Variants in LMTK2 observed in about 807,000 individuals in gnomAD.
LMTK2 encodes serine/threonine-protein kinase LMTK2.
Under a neutral mutation model 127.5 loss-of-function variants are expected in LMTK2, and 37 were observed. That is an observed-to-expected ratio of 0.29 (90% CI 0.22 to 0.38). The LOEUF is 0.38. Ranked by LOEUF, LMTK2 falls within the 10% of genes least tolerant of loss-of-function variation. LMTK2 has a pLI of 1.00. For missense variants in LMTK2, 1,694 were observed against 1,920.3 expected (o/e 0.88, Z 2.20); for synonymous variants, 819 against 810.1 (o/e 1.01, Z -0.19).
intron 7 of LMTK2, among the ~76,000 whole-genome samples, chr7:98,180,668 C>T (rs1401211154): frequency 6.6e-6 from 1 of 152,090 alleles, no homozygotes; most frequent in African/African-American, 2.4e-5. Flanking sequence ...GACTACAACG[C>T]TTGCATATCT....
intron 4 of LMTK2, among the ~76,000 whole-genome samples, chr7:98,152,293 G>C (rs1487737988): frequency 6.6e-6 from 1 of 152,188 alleles, no homozygotes; most frequent in African/African-American, 2.4e-5. Flanking sequence ...TACTGCAGTC[G>C]TGCTCTGCAA....
At chr7:98,191,008 A>C (rs913754753) in intron 10 of LMTK2, 131 bp downstream of exon 10, 200 of 879,818 alleles carry the variant, frequency 2.3e-4, no homozygotes, top group Non-Finnish European at 3.1e-4. Context: ...CCATGAGCTG[A>C]ACTACTTAAT....
chr7:98,205,352 T>C (rs970209658), intron 13 of LMTK2, 112 bp from the exon 14 acceptor site: 3 of 1,349,298 alleles, frequency 2.2e-6, no homozygotes, highest in Non-Finnish European at 3.2e-6. Context: ...GGTGCTGGGC[T>C]CAAAACACCC....
intron 3 of LMTK2, among the ~76,000 whole-genome samples, chr7:98,149,018 A>G (rs1422270883): frequency 2.0e-5 from 3 of 152,158 alleles, no homozygotes; most frequent in Non-Finnish European, 4.4e-5. Context: ...GTTGGCCTCA[A>G]CTGTTGTTTT....
intron 6 of LMTK2, among the ~76,000 whole-genome samples, chr7:98,164,598 T>G (rs1797064523): frequency 6.6e-6 from 1 of 152,150 alleles, no homozygotes. Context: ...TGATTCTAAT[T>G]ATTAAATAAA....
chr7:98,180,334 C>G (rs1387239349), intron 7 of LMTK2, among the ~76,000 whole-genome samples: 1 of 152,174 alleles, frequency 6.6e-6, no homozygotes, highest in African/African-American at 2.4e-5. Context: ...GGAAATTCAG[C>G]TTTGATATCT....
chr7:98,144,796 A>G (rs1451456603), intron 3 of LMTK2, among the ~76,000 whole-genome samples: 1 of 141,240 alleles, frequency 7.1e-6, no homozygotes, highest in Non-Finnish European at 1.5e-5. Context: ...ATTATTCTGC[A>G]TCTTGCTTTT....
chr7:98,138,631 C>T (rs184738584), intron 2 of LMTK2, among the ~76,000 whole-genome samples: 2 of 152,312 alleles, frequency 1.3e-5, no homozygotes, highest in East Asian at 1.9e-4. Context: ...GCACAGTTGT[C>T]GGTGGACAGT....
At chr7:98,127,814 G>A (rs1252863561) in intron 1 of LMTK2, among the ~76,000 whole-genome samples, 7 of 152,084 alleles carry the variant, frequency 4.6e-5, no homozygotes, top group Non-Finnish European at 8.8e-5. Flanking sequence ...TCACACATAC[G>A]CCATAAATAT....
intron 7 of LMTK2, among the ~76,000 whole-genome samples, chr7:98,176,834 G>A (rs147677084): frequency 6.6e-6 from 1 of 152,278 alleles, no homozygotes; most frequent in African/African-American, 2.4e-5. Flanking sequence ...ATGACAGAGC[G>A]AGACTCCATC....
chr7:98,170,501 G>A (rs1413176806), intron 6 of LMTK2, among the ~76,000 whole-genome samples: 1 of 151,066 alleles, frequency 6.6e-6, no homozygotes, highest in Admixed American at 6.6e-5. Flanking sequence ...GTACTCTTTA[G>A]TTGGTCAAGG....
At chr7:98,204,284 C>A in intron 13 of LMTK2, 98 bp downstream of exon 13, 1 of 1,458,804 alleles carries the variant, frequency 6.9e-7, no homozygotes, top group Non-Finnish European at 9.3e-7. Context: ...AATCTCATGT[C>A]TTCTTCACAT....
At chr7:98,183,937 T>A (rs533859221) in intron 7 of LMTK2, among the ~76,000 whole-genome samples, 4 of 152,340 alleles carry the variant, frequency 2.6e-5, no homozygotes, top group African/African-American at 9.6e-5. Flanking sequence ...TGCAACAACT[T>A]GATTCTTGCC....
At chr7:98,179,999 C>G (rs1222740581) in intron 7 of LMTK2, among the ~76,000 whole-genome samples, 1 of 152,220 alleles carries the variant, frequency 6.6e-6, no homozygotes, top group Admixed American at 6.5e-5. Context: ...CAATTCTCTG[C>G]CTCAGTGTCC....
intron 1 of LMTK2, among the ~76,000 whole-genome samples, chr7:98,127,341 G>A (rs1356157476): frequency 1.3e-5 from 2 of 152,164 alleles, no homozygotes; most frequent in East Asian, 1.9e-4. Flanking sequence ...AGGCCCAAAC[G>A]ATGTGTTTTA....
At chr7:98,123,251 G>A (rs1331097019) in intron 1 of LMTK2, among the ~76,000 whole-genome samples, 3 of 152,140 alleles carry the variant, frequency 2.0e-5, no homozygotes, top group South Asian at 2.1e-4. Context: ...ACACACATAC[G>A]TGCATTCACC....
At chr7:98,190,398 G>A (rs888531412) in intron 9 of LMTK2, among the ~76,000 whole-genome samples, 4 of 152,166 alleles carry the variant, frequency 2.6e-5, no homozygotes, top group East Asian at 1.9e-4. Context: ...CCTGGCCAAC[G>A]TGGTGAAACC....
chr7:98,113,745 C>A (rs1329383314), intron 1 of LMTK2, among the ~76,000 whole-genome samples: 1 of 152,144 alleles, frequency 6.6e-6, no homozygotes, highest in African/African-American at 2.4e-5. Flanking sequence ...TTCTTTGAAT[C>A]TTCTTATGAA....
In LMTK2 at chr7:98,108,553, T is replaced by C. The variant is rs567982431; in HGVS notation, c.103+1273T>C. Among the ~76,000 whole-genome samples, 5 of 152,322 alleles carry C rather than the reference T, an allele frequency of 3.3e-5. No individual in the cohort carries two copies. In the East Asian group the frequency reaches 9.6e-4, roughly 29 times the overall value. ...TCTGTTACTGCCTTAGATCAAATAC[T>C]TGTGAGGTGAATTCTGTTTTCTGAT... On this transcript the variant is annotated intron_variant, in intron 1 of 13. Transcript: ENST00000297293.
Sources: allele counts gnomAD v4.1 joint callset (sites outside exome capture counted in the v4.1 genomes callset), GRCh38; gene constraint gnomAD v4.1.1; transcripts MANE v1.5; gene names NCBI Gene and HGNC (gene_info 2026-07-23, HGNC 2026-07-21).